Variants in HK2 observed in about 807,000 individuals in gnomAD.
HK2 encodes hexokinase 2, also known as hexokinase-2.
Under a neutral mutation model 92.9 loss-of-function variants are expected in HK2, and 42 were observed. The ratio of observed to expected loss-of-function variants is 0.45; its 90% CI spans 0.35 to 0.58. The LOEUF (loss-of-function observed/expected upper bound fraction) is 0.58, where lower values mean the gene tolerates loss of function less well. HK2 is among the 20% of genes least tolerant of loss of function. The pLI, the probability that HK2 is intolerant of heterozygous loss-of-function variation, is 0.00. For synonymous variants in HK2, 422 were observed against 468.0 expected (o/e 0.90, Z 1.27); for missense variants, 978 against 1,245.1 (o/e 0.79, Z 3.23).
At chr2:74,874,473 G>A in intron 7 of HK2, 24 bp downstream of exon 7, 1 of 1,575,816 alleles carries the variant, frequency 6.3e-7, no homozygotes, top group Non-Finnish European at 8.6e-7. Flanking sequence ...TCCTGTGCGA[G>A]TGGGCTTGGC....
intron 2 of HK2, among the ~76,000 whole-genome samples, chr2:74,864,518 T>G (rs374470758): frequency 1.3e-5 from 2 of 152,186 alleles, no homozygotes; most frequent in Non-Finnish European, 2.9e-5. Flanking sequence ...TTGTTTGTTT[T>G]TTTTTTGAGA....
At chr2:74,880,906 C>T (rs1689374627) in intron 10 of HK2, among the ~76,000 whole-genome samples, 1 of 152,232 alleles carries the variant, frequency 6.6e-6, no homozygotes, top group Non-Finnish European at 1.5e-5. Context: ...AGTTAAGACA[C>T]CTGCCTAAAT....
chr2:74,880,989 C>T (rs28969559), intron 10 of HK2, among the ~76,000 whole-genome samples: 11 of 152,342 alleles, frequency 7.2e-5, no homozygotes, highest in African/African-American at 2.6e-4. Flanking sequence ...CTCTTGCAAT[C>T]ACCACATTGG....
Position 74,892,529 on chromosome 2 carries a change from T to G in HK2, c.*1588T>G, listed in dbSNP as rs1689705759. 6.6e-6 allele frequency: 1 copy of G among 152,164 alleles called. No individual in the cohort carries two copies. Among genetic ancestry groups the G allele is most frequent in the South Asian group, 2.1e-4 (1 of 4,830 alleles). The allele number at this position is 152,164 out of a possible 1,614,324, so 9.4% of individuals were successfully genotyped here. A position where few individuals can be genotyped will look rare whatever the true frequency, so the allele number is the denominator to read the frequency against. On this transcript the variant is annotated 3_prime_UTR_variant, in exon 18 of 18. Coordinates refer to ENST00000290573, the MANE Select transcript of HK2 (RefSeq NM_000189.5). ...GCTTAAAAACTTCCATCCCTACTTT[T>G]CAAGAGTGCAGTTGATTCTGAATCT... is the stretch of plus-strand genomic sequence containing the variant.
intron 2 of HK2, among the ~76,000 whole-genome samples, chr2:74,858,490 C>T (rs546403079): frequency 6.6e-6 from 1 of 152,212 alleles, no homozygotes. Flanking sequence ...TCAGGGGGAT[C>T]GGTTTTCTGA....
At chr2:74,837,783 C>A (rs757866178) in intron 1 of HK2, among the ~76,000 whole-genome samples, 38 of 148,058 alleles carry the variant, frequency 2.6e-4, no homozygotes, top group Non-Finnish European at 4.6e-4. Flanking sequence ...TCAAGCGATT[C>A]TCCTGCCTCA....
chr2:74,881,143 T>C lies in HK2; in HGVS notation c.1571-568T>C, dbSNP rs534302529. ...TTTGCACTGTCTTGGCAAAGTTGAG[T>C]GGTGGCAGCAAAGACTGCATGACCC... On this transcript the variant is annotated intron_variant, in intron 10 of 17. Coordinates refer to ENST00000290573, the MANE Select transcript of HK2 (RefSeq NM_000189.5). 2.0e-4 allele frequency among the ~76,000 whole-genome samples: 30 copies of C among 152,244 alleles called. No homozygotes were observed. The South Asian group carries it at 4.2e-3, about 21-fold the overall frequency.
At chr2:74,851,004 A>ATATCCACAGCTGTTTCG (rs1688554085) in intron 1 of HK2, among the ~76,000 whole-genome samples, 1 of 152,198 alleles carries the variant, frequency 6.6e-6, no homozygotes, top group South Asian at 2.1e-4. Context: ...TCACTGTTTC[A>ATATCCACAGCTGTTTCG]TATCCACAGC....
At position 74,873,954 on chromosome 2, in the gene HK2, A is replaced by G. The variant is rs930686042; in HGVS notation, c.691+11A>G. 1 of 1,600,562 alleles carries G rather than the reference A, an allele frequency of 6.2e-7. No individual in the cohort carries two copies. Among genetic ancestry groups the G allele is most frequent in the Admixed American group, 1.7e-5 (1 of 59,986 alleles). On this transcript the variant is annotated intron_variant, in intron 6 of 17. Coordinates refer to ENST00000290573, the MANE Select transcript of HK2 (RefSeq NM_000189.5). ...TTGGTCTCATTGTGGGTGAGTGAACACCGTGCATGAAGGGCCCGTGCTGGC... is the reference window on the plus strand; with the variant it reads ...TTGGTCTCATTGTGGGTGAGTGAACGCCGTGCATGAAGGGCCCGTGCTGGC...
intron 13 of HK2, among the ~76,000 whole-genome samples, chr2:74,885,852 A>G (rs1689516201): frequency 7.2e-6 from 1 of 138,392 alleles, no homozygotes. Flanking sequence ...TGAAACACAC[A>G]CACACACACA....
chr2:74,855,475 C>T (rs1050252621), intron 2 of HK2, among the ~76,000 whole-genome samples: 39 of 152,066 alleles, frequency 2.6e-4, no homozygotes, highest in South Asian at 2.1e-4. Context: ...TGACCTCGTA[C>T]CCGCCCACCT....
At position 74,886,487 on chromosome 2, in the gene HK2, C is replaced by T. The variant is rs1365319085; in HGVS notation, c.2036-3C>T. 1 of 1,613,978 alleles carries T rather than the reference C, an allele frequency of 6.2e-7. No homozygotes were observed. The highest frequency in any genetic ancestry group is 8.5e-7 in the Non-Finnish European group (1 of 1,179,968). On this transcript the variant is annotated splice_region_variant and splice_polypyrimidine_tract_variant and intron_variant, in intron 14 of 17. Transcript: ENST00000290573. ...TGAGGCCCTGGTATCCTGTGATTGG[C>T]AGGCACGGGCAGCAATGCCTGCTAC... is the stretch of plus-strand genomic sequence containing the variant.
At chr2:74,839,448 C>T (rs918602709) in intron 1 of HK2, among the ~76,000 whole-genome samples, 2 of 152,116 alleles carry the variant, frequency 1.3e-5, no homozygotes, top group South Asian at 4.2e-4. Context: ...AGGTACAATT[C>T]ACTCCATTTG....
intron 3 of HK2, among the ~76,000 whole-genome samples, chr2:74,870,616 G>A (rs1689076228): frequency 6.9e-6 from 1 of 144,954 alleles, no homozygotes; most frequent in Non-Finnish European, 1.5e-5. Flanking sequence ...TTTGACTAGA[G>A]TGCCAGGAAG....
chr2:74,874,481 G>T lies in HK2; in HGVS notation c.875+32G>T, dbSNP rs749277385. On this transcript the variant is annotated intron_variant, in intron 7 of 17. Coordinates refer to ENST00000290573, the MANE Select transcript of HK2 (RefSeq NM_000189.5). ...AGGCCCTTCCTGTGCGAGTGGGCTT[G>T]GCGGGGGCCTGGAGCTGAGTCTGGG... is the stretch of plus-strand genomic sequence containing the variant. 1.2e-5 allele frequency: 19 copies of T among 1,563,974 alleles called. No individual in the cohort carries two copies. In the Middle Eastern group the frequency reaches 6.7e-4, roughly 55 times the overall value.
intron 3 of HK2, among the ~76,000 whole-genome samples, chr2:74,868,147 C>T (rs749789195): frequency 2.0e-5 from 3 of 152,164 alleles, no homozygotes; most frequent in Non-Finnish European, 4.4e-5. Flanking sequence ...GAATTTCTGA[C>T]CATGAGTAGA....
At chr2:74,870,063 CG>C in intron 3 of HK2, among the ~76,000 whole-genome samples, 1 of 146,772 alleles carries the variant, frequency 6.8e-6, no homozygotes, top group East Asian at 2.0e-4. Context: ...CCCAAGAGTG[CG>C]GTGGCACCAT....
intron 1 of HK2, among the ~76,000 whole-genome samples, chr2:74,849,059 G>A (rs370772186): frequency 6.6e-6 from 1 of 152,328 alleles, no homozygotes; most frequent in East Asian, 1.9e-4. Flanking sequence ...ACTTCGAAGT[G>A]GAGCCTCCAT....
In HK2 at chr2:74,855,059, C is replaced by G. The variant is rs140546249; in HGVS notation, c.226+604C>G. Among the ~76,000 whole-genome samples, 113 of 152,264 alleles carry G rather than the reference C, an allele frequency of 7.4e-4. 2 individuals are homozygous for G. Among genetic ancestry groups the G allele is most frequent in the African/African-American group, 2.5e-3 (104 of 41,538 alleles). ...TTGCCCAGGCTGGCGTGCAATGATG[C>G]GATCTCGGCTCACCGCAACCTCCGC... On this transcript the variant is annotated intron_variant, in intron 2 of 17. Transcript: ENST00000290573.
Sources: gnomAD v4.1 joint callset for allele counts (sites outside exome capture counted in the v4.1 genomes callset) on GRCh38, gnomAD v4.1.1 for gene constraint, MANE v1.5 for transcripts, NCBI Gene and HGNC (gene_info 2026-07-23, HGNC 2026-07-21) for gene names.